The following RTTN variants were observed in gnomAD, a reference collection of about 807,000 sequenced individuals.
The protein encoded by RTTN is rotatin.
RTTN carries 182 observed loss-of-function variants against 269.2 expected under a neutral mutation model. That is an observed-to-expected ratio of 0.68 (90% CI 0.60 to 0.76). The LOEUF (loss-of-function observed/expected upper bound fraction) is 0.76. Ranked by LOEUF, RTTN falls within the 30% of genes least tolerant of loss-of-function variation. The probability of loss-of-function intolerance (pLI) is 0.00; values close to 1 mark genes in which losing one functional copy is unlikely to be tolerated. For missense variants in RTTN, 2,545 were observed against 2,608.6 expected (o/e 0.98, Z 0.53); for synonymous variants, 1,006 against 963.5 (o/e 1.04, Z -0.82).
intron 21 of RTTN, chr18:70,138,504 T>C (rs1406090479): frequency 1.3e-5 from 2 of 152,116 alleles, no homozygotes; most frequent in African/African-American, 2.4e-5. Flanking sequence ...AAATGAAAAT[T>C]ATAAATGAAA....
chr18:70,143,211 G>T (rs949686728), intron 18 of RTTN, among the ~76,000 whole-genome samples: 3 of 150,726 alleles, frequency 2.0e-5, no homozygotes, highest in South Asian at 2.1e-4. Context: ...GAGCTGTTTG[G>T]TTTTTTTTTG....
chr18:70,140,040 T>C, intron 20 of RTTN, 60 bp downstream of exon 20: 1 of 1,134,486 alleles, frequency 8.8e-7, no homozygotes, highest in Non-Finnish European at 1.3e-6. Flanking sequence ...TCAGTTCAAT[T>C]TCAGATCTGA....
At chr18:70,091,398 A>G (rs1427912014) in intron 30 of RTTN, 3 of 152,072 alleles carry the variant, frequency 2.0e-5, no homozygotes, top group Non-Finnish European at 2.9e-5. Flanking sequence ...TCCTATCTCA[A>G]TAAGACTGGT....
chr18:70,168,760 CAATTT>C (rs2061057963), intron 12 of RTTN, 90 bp downstream of exon 12: 1 of 917,416 alleles, frequency 1.1e-6, no homozygotes, highest in African/African-American at 1.7e-5. Context: ...CCACCTGTGA[CAATTT>C]AATTATATGT....
Position 70,133,352 on chromosome 18 carries a change from A to G in RTTN, c.2954+1121T>C, listed in dbSNP as rs1467284910. On this transcript the variant is annotated intron_variant, in intron 23 of 48. Transcript: ENST00000640769. ...GATGGTAGGAATGTAAATCAGCACA[A>G]CAACTTCGTAATACTGTCTGGTAAC... 2.0e-5 allele frequency among the ~76,000 whole-genome samples: 3 copies of G among 152,150 alleles called. No homozygotes were observed. The South Asian group carries it at 6.2e-4, about 31-fold the overall frequency.
chr18:70,097,865 C>T lies in RTTN; in HGVS notation c.3904-5061G>A, dbSNP rs115522918. Among the ~76,000 whole-genome samples, 774 of 152,230 alleles carry T rather than the reference C, an allele frequency of 5.1e-3. 8 individuals are homozygous for T. The highest frequency in any genetic ancestry group is 0.017 in the African/African-American group (726 of 41,542). On this transcript the variant is annotated intron_variant, in intron 28 of 48. Coordinates refer to ENST00000640769, the MANE Select transcript of RTTN (RefSeq NM_173630.4). Reference sequence around the variant, plus strand: ...GTAGGTGTGATCTAAAGTCTTTGCACGTAATTTTAAAACAAAAGCACTTCT... The same window carrying T: ...GTAGGTGTGATCTAAAGTCTTTGCATGTAATTTTAAAACAAAAGCACTTCT...
At chr18:70,012,374 C>T (rs1014042266) in intron 46 of RTTN, among the ~76,000 whole-genome samples, 2 of 145,892 alleles carry the variant, frequency 1.4e-5, no homozygotes, top group African/African-American at 5.1e-5. Flanking sequence ...GCAGCGTCTG[C>T]TCACTGGTGT....
chr18:70,054,246 C>T lies in RTTN; in HGVS notation c.5070G>A (p.Arg1690=), dbSNP rs757912747. The change falls in exon 38 of 49, where the codon AGG becomes AGA. Residue 1690 remains arginine, a synonymous_variant. Transcript: ENST00000640769. ...FLLEYLSSLS[R]LLQSCLLVEP... is the part of the protein sequence containing the mutation. ...CCACCAATAAACATGACTGCAGAAG[C>T]CTGGACAAAGAGGATAGGTATTCCA... The T allele has an allele frequency of 4.3e-5, 70 of 1,613,706 alleles. No individual in the cohort carries two copies. The Middle Eastern group carries it at 3.3e-3, about 76-fold the overall frequency.
At chr18:70,200,356 G>A (rs915178037) in intron 4 of RTTN, among the ~76,000 whole-genome samples, 10 of 152,202 alleles carry the variant, frequency 6.6e-5, no homozygotes, top group Non-Finnish European at 1.3e-4. Flanking sequence ...AAATAAGCCA[G>A]ACCCTCAATC....
Position 70,075,551 on chromosome 18 carries a change from G to A in RTTN, c.4375-10C>T. The stretch of plus-strand genomic sequence containing the variant: ...CATGAACACAGGGACCCTGTAGGAA[G>A]AGAGGGAAAGAAGGAGGAGACACTG... On this transcript the variant is annotated splice_polypyrimidine_tract_variant and intron_variant, in intron 32 of 48. Transcript: ENST00000640769. 1 of 1,547,778 alleles carries A rather than the reference G, an allele frequency of 6.5e-7. No homozygotes were observed. The highest frequency in any genetic ancestry group is 1.3e-5 in the South Asian group (1 of 78,852).
At chr18:70,066,936 C>A (rs1334044979) in intron 34 of RTTN, among the ~76,000 whole-genome samples, 1 of 152,142 alleles carries the variant, frequency 6.6e-6, no homozygotes, top group Non-Finnish European at 1.5e-5. Context: ...CCCCTTTTAA[C>A]TTGAGCCCTT....
chr18:70,055,254 A>G (rs887319262), intron 37 of RTTN, among the ~76,000 whole-genome samples: 5 of 152,178 alleles, frequency 3.3e-5, no homozygotes, highest in African/African-American at 7.2e-5. Flanking sequence ...CCAGTTACAT[A>G]TAAGTGAATT....
At chr18:70,038,419 ACT>A (rs1310561289) in intron 40 of RTTN, among the ~76,000 whole-genome samples, 2 of 151,988 alleles carry the variant, frequency 1.3e-5, no homozygotes, top group East Asian at 1.9e-4. Context: ...ATAGAGAGAG[ACT>A]CTGTTTGTTT....
Position 70,196,591 on chromosome 18 carries a change from G to A in RTTN, c.751C>T (p.Gln251Ter). ...AGCTGCTGCAGGCAGGACACCGACT[G>A]TAATGCCAGGCGATGCTTTCCATCT... ...FGDGKHRLAL[Q>*]SVSCLQQLCM... The change falls in exon 7 of 49, where the codon CAG becomes TAG. Residue 251 changes from glutamine (Q) to a stop codon, truncating the protein, a stop_gained. Coordinates refer to ENST00000640769, the MANE Select transcript of RTTN (RefSeq NM_173630.4). LOFTEE classifies it high-confidence loss of function. The A allele has an allele frequency of 6.4e-6, 10 of 1,570,074 alleles. No individual in the cohort carries two copies. Among genetic ancestry groups the A allele is most frequent in the Non-Finnish European group, 7.7e-6 (9 of 1,163,874 alleles).
chr18:70,135,068 A>G, intron 22 of RTTN, 116 bp downstream of exon 22: 1 of 582,106 alleles, frequency 1.7e-6, no homozygotes, highest in East Asian at 3.4e-5. Context: ...ACATATGTGT[A>G]GCATGGACAG....
chr18:70,118,598 C>T (rs981876605), intron 26 of RTTN, among the ~76,000 whole-genome samples: 1 of 152,062 alleles, frequency 6.6e-6, no homozygotes, highest in Non-Finnish European at 1.5e-5. Context: ...GGCAGCATTA[C>T]ACTGATACCA....
chr18:70,006,543 T>C (rs1216116672), intron 46 of RTTN, 59 bp from the exon 47 acceptor site: 2 of 1,286,920 alleles, frequency 1.6e-6, no homozygotes, highest in Middle Eastern at 1.8e-4. Context: ...TGTATTCTTA[T>C]CTTGGACTAG....
chr18:70,127,830 C>T, intron 24 of RTTN, 89 bp from the exon 25 acceptor site: 1 of 1,185,496 alleles, frequency 8.4e-7, no homozygotes, highest in Non-Finnish European at 1.2e-6. Flanking sequence ...CTCCCAAAAG[C>T]TGTTTTATCT....
At chr18:70,158,791 G>C (rs1381734150) in intron 14 of RTTN, among the ~76,000 whole-genome samples, 1 of 152,164 alleles carries the variant, frequency 6.6e-6, no homozygotes, top group Non-Finnish European at 1.5e-5. Context: ...AGCAGGAGTT[G>C]CTCTTCTTAT....
Sources: gnomAD v4.1 joint callset for allele counts (sites outside exome capture counted in the v4.1 genomes callset) on GRCh38, gnomAD v4.1.1 for gene constraint, MANE v1.5 for transcripts, NCBI Gene and HGNC (gene_info 2026-07-23, HGNC 2026-07-21) for gene names.